Variants in WDR44 observed in about 807,000 individuals in gnomAD.
The protein encoded by WDR44 is WD repeat-containing protein 44.
In WDR44, 9 loss-of-function variants were observed where a neutral mutation model predicts 65.7. The ratio of observed to expected loss-of-function variants is 0.14; its 90% confidence interval spans 0.08 to 0.24. The LOEUF (loss-of-function observed/expected upper bound fraction) is 0.24, where lower values mean the gene tolerates loss of function less well. Among genes scored for constraint, WDR44 ranks in the 10% least tolerant of loss-of-function variants. The probability of loss-of-function intolerance (pLI) is 1.00; values close to 1 mark genes in which losing one functional copy is unlikely to be tolerated. For missense variants in WDR44, 425 were observed against 670.9 expected, an observed-to-expected ratio of 0.63 and a Z score of 4.05; for synonymous variants, 220 against 235.2, an observed-to-expected ratio of 0.94 and a Z score of 0.59.
chrX:118,385,619 G>A (rs12864003), intron 2 of WDR44, among the ~76,000 whole-genome samples: 29,000 of 109,630 alleles, frequency 0.26, 3,167 homozygotes, highest in African/African-American at 0.39. Flanking sequence ...AAGTTTACCT[G>A]TGTAACAAAT....
chrX:118,433,758 C>T (rs773827856), intron 13 of WDR44, among the ~76,000 whole-genome samples: 2 of 111,951 alleles, frequency 1.8e-5, no homozygotes, highest in South Asian at 7.4e-4. Context: ...ATATAAAACA[C>T]TTGCCTAGAA....
At chrX:118,402,635 C>T (rs1184386415) in intron 8 of WDR44, among the ~76,000 whole-genome samples, 2 of 109,582 alleles carry the variant, frequency 1.8e-5, no homozygotes, top group African/African-American at 6.7e-5. Flanking sequence ...GTAATCCCAG[C>T]AACTCAGAAG....
chrX:118,401,752 A>G (rs1404330638), intron 8 of WDR44, among the ~76,000 whole-genome samples: 3 of 93,377 alleles, frequency 3.2e-5, no homozygotes, highest in African/African-American at 4.3e-5. Flanking sequence ...GCCCATGCCT[A>G]TGTCCTGAAT....
intron 1 of WDR44, among the ~76,000 whole-genome samples, chrX:118,349,809 C>T (rs2802615): frequency 0.27 from 29,352 of 110,748 alleles, 3,161 homozygotes; most frequent in African/African-American, 0.39. Context: ...CGGCCTCCCA[C>T]AGTGCTGGGA....
chrX:118,346,620 A>G, intron 1 of WDR44, 40 bp downstream of exon 1: 3 of 1,059,423 alleles, frequency 2.8e-6, no homozygotes, highest in Non-Finnish European at 3.8e-6. Context: ...GGGCATCCCA[A>G]GCCCCCCGCA....
chrX:118,415,589 C>T (rs1357621678), intron 12 of WDR44, among the ~76,000 whole-genome samples: 8 of 111,527 alleles, frequency 7.2e-5, no homozygotes, highest in East Asian at 2.8e-4. Context: ...CTGCAGCCTC[C>T]GCCTCCTGGG....
chrX:118,352,227 C>A (rs1461874144), intron 1 of WDR44, among the ~76,000 whole-genome samples: 1 of 94,872 alleles, frequency 1.1e-5, no homozygotes, highest in Non-Finnish European at 2.1e-5. Context: ...CAGCTCACTG[C>A]AGCCTCGACC....
chrX:118,379,934 C>T (rs1279700553), intron 2 of WDR44, among the ~76,000 whole-genome samples: 2 of 111,099 alleles, frequency 1.8e-5, no homozygotes, highest in Non-Finnish European at 3.8e-5. Flanking sequence ...TATCCAGAGG[C>T]GATTACTGTT....
intron 13 of WDR44, among the ~76,000 whole-genome samples, chrX:118,435,264 T>G (rs768265282): frequency 9.0e-6 from 1 of 111,605 alleles, no homozygotes; most frequent in Non-Finnish European, 1.9e-5. Context: ...CAGTTTCTGT[T>G]TTTTGTTTTT....
chrX:118,371,230 G>C (rs1266863721), intron 1 of WDR44, among the ~76,000 whole-genome samples: 1 of 111,839 alleles, frequency 8.9e-6, no homozygotes, highest in Non-Finnish European at 1.9e-5. Flanking sequence ...AATCTCACTT[G>C]TATGTGGAAT....
In WDR44 at chrX:118,346,383, C is replaced by T. The variant is rs1401438947; in HGVS notation, c.-121C>T. On this transcript the variant is annotated 5_prime_UTR_variant, in exon 1 of 20. Transcript: ENST00000254029. ...CTCCTCGCTACAGATCGTCTGCTCC[C>T]TCAGCCTCGCCCGAGACCCACTTCC... 32 of 599,297 alleles carry T rather than the reference C, an allele frequency of 5.3e-5. No individual in the cohort carries two copies. In the South Asian group the frequency reaches 7.6e-4, roughly 14 times the overall value. The allele number at this position is 599,297 out of a possible 1,213,427, so 49.4% of individuals were successfully genotyped here.
intron 3 of WDR44, among the ~76,000 whole-genome samples, chrX:118,388,164 A>C (rs182598491): frequency 8.0e-5 from 9 of 111,805 alleles, no homozygotes; most frequent in African/African-American, 2.6e-4. Context: ...AGCATCCTCA[A>C]CTCCCAATTA....
chrX:118,373,394 A>G (rs1452863836), intron 1 of WDR44, among the ~76,000 whole-genome samples: 1 of 111,869 alleles, frequency 8.9e-6, no homozygotes, highest in African/African-American at 3.2e-5. Context: ...AGATTTTTAA[A>G]TTCAAAAATA....
chrX:118,366,609 T>C (rs2682997), intron 1 of WDR44, among the ~76,000 whole-genome samples: 28,923 of 109,913 alleles, frequency 0.26, 3,128 homozygotes, highest in African/African-American at 0.39. Context: ...ATTTGATTGA[T>C]ATAAACCAAA....
At chrX:118,423,486 A>G (rs1349853798) in intron 12 of WDR44, among the ~76,000 whole-genome samples, 1 of 111,852 alleles carries the variant, frequency 8.9e-6, no homozygotes, top group Non-Finnish European at 1.9e-5. Context: ...AATTTTTTAA[A>G]CCACTTTATT....
chrX:118,364,008 T>C (rs983749581), intron 1 of WDR44, among the ~76,000 whole-genome samples: 1 of 112,204 alleles, frequency 8.9e-6, no homozygotes, highest in Non-Finnish European at 1.9e-5. Flanking sequence ...TGTTCAGATA[T>C]ATTATATGCC....
chrX:118,387,181 C>CA lies in WDR44; in HGVS notation c.112-137dup, dbSNP rs61229618. The stretch of plus-strand genomic sequence containing the variant: ...TGGGTGACAGAGTAAAACTCTGTCT[C>CA]AAAAAAAAAAAAAAAAAAAAAAGAA... On this transcript the variant is annotated intron_variant, in intron 2 of 19. Transcript: ENST00000254029. Among the ~76,000 whole-genome samples, 308 of 37,944 alleles carry CA rather than the reference C, an allele frequency of 8.1e-3. 2 individuals carry two copies. Among genetic ancestry groups the CA allele is most frequent in the Middle Eastern group, 0.014 (1 of 73 alleles). The allele number at this position is 37,944 out of a possible 115,157, so 32.9% of individuals were successfully genotyped here. A position where few individuals can be genotyped will look rare whatever the true frequency, so the allele number is the denominator to read the frequency against.
At chrX:118,442,821 T>A in intron 17 of WDR44, 141 bp downstream of exon 17, 1 of 465,055 alleles carries the variant, frequency 2.2e-6, no homozygotes, top group Non-Finnish European at 3.8e-6. Context: ...AATACGTACC[T>A]TGTCCACCTA....
chrX:118,368,526 T>C (rs1010166526), intron 1 of WDR44, among the ~76,000 whole-genome samples: 4 of 95,766 alleles, frequency 4.2e-5, no homozygotes, highest in Non-Finnish European at 8.0e-5. Context: ...TTCTGAAGCC[T>C]TGTCTTGGCT....
Sources: gnomAD v4.1 joint callset for allele counts (sites outside exome capture counted in the v4.1 genomes callset) on GRCh38, gnomAD v4.1.1 for gene constraint, MANE v1.5 for transcripts, NCBI Gene and HGNC (gene_info 2026-07-23, HGNC 2026-07-21) for gene names.